GRIK3: variants seen among roughly 807,000 people sequenced by gnomAD.
The protein encoded by GRIK3 is glutamate ionotropic receptor kainate type subunit 3, also known as glutamate receptor ionotropic, kainate 3.
A neutral mutation model predicts 102.5 loss-of-function variants in GRIK3; 29 were observed. The observed-to-expected ratio is 0.28, with a 90% confidence interval of 0.21 to 0.39. The LOEUF (loss-of-function observed/expected upper bound fraction) is 0.39, where lower values mean the gene tolerates loss of function less well. Ranked by LOEUF, GRIK3 falls within the 10% of genes least tolerant of loss-of-function variation. The pLI is 1.00. For synonymous variants in GRIK3, 511 were observed against 504.9 expected, an observed-to-expected ratio of 1.01 and a Z score of -0.16; for missense variants, 908 against 1,252.4, an observed-to-expected ratio of 0.73 and a Z score of 4.15.
chr1:36,800,316 T>A lies in GRIK3; in HGVS notation c.*1535A>T, dbSNP rs1642427162. 1 of 152,286 alleles carries A rather than the reference T, an allele frequency of 6.6e-6. No individual in the cohort carries two copies. Among genetic ancestry groups the A allele is most frequent in the South Asian group, 2.1e-4 (1 of 4,832 alleles). 9.4% of individuals were successfully genotyped at this position (152,286 alleles called of 1,614,324 possible). ...AAACCTGCCCCTCCATCCTTGGCCA[T>A]GGTAACCCTGCTGGCCCATCATGTT... On this transcript the variant is annotated 3_prime_UTR_variant, in exon 16 of 16. Transcript: ENST00000373091.
intron 10 of GRIK3, among the ~76,000 whole-genome samples, chr1:36,839,873 C>T (rs1450830186): frequency 1.3e-5 from 2 of 152,194 alleles, no homozygotes; most frequent in Non-Finnish European, 2.9e-5. Flanking sequence ...TGAGCTCCAG[C>T]CTCCCTCCCC....
At chr1:36,870,544 C>T (rs558828831) in intron 4 of GRIK3, among the ~76,000 whole-genome samples, 5 of 152,226 alleles carry the variant, frequency 3.3e-5, no homozygotes, top group Non-Finnish European at 7.3e-5. Context: ...CAAATGCTGC[C>T]CATTCCCTCC....
rs1477352486 is a variant in GRIK3, at chr1:36,841,861, G to A, written c.1405C>T (p.Leu469=). Residue 469 remains leucine (L), a synonymous_variant, in exon 10 of 16, where the codon CTG becomes TTG. Transcript: ENST00000373091. The part of the protein sequence containing the change: ...NDRFEGYCID[L]LKELAHILGF... The stretch of plus-strand genomic sequence containing the variant: ...AGGATGTGGGCCAGCTCCTTTAGCA[G>A]GTCGATGCAGTAGCCCTCGAACCGG... 3 of 1,614,202 alleles carry A rather than the reference G, an allele frequency of 1.9e-6. No individual in the cohort carries two copies. The highest frequency in any genetic ancestry group is 2.2e-5 in the South Asian group (2 of 91,078).
chr1:37,030,345 G>C (rs1289028219), intron 1 of GRIK3, among the ~76,000 whole-genome samples: 1 of 152,178 alleles, frequency 6.6e-6, no homozygotes, highest in East Asian at 1.9e-4. Context: ...TAATTTGGGT[G>C]AACCAGTCAT....
In GRIK3 at chr1:36,872,585, A is replaced by G. The variant is rs1640854857; in HGVS notation, c.551-216T>C. 6.6e-6 allele frequency among the ~76,000 whole-genome samples: 1 copy of G among 152,204 alleles called. No individual in the cohort carries two copies. The highest frequency in any genetic ancestry group is 1.5e-5 in the Non-Finnish European group (1 of 68,034). On this transcript the variant is annotated intron_variant, in intron 3 of 15. Coordinates refer to ENST00000373091, the MANE Select transcript of GRIK3 (RefSeq NM_000831.4). The surrounding 1 kb of genome is among the most constrained non-coding windows in gnomAD (Gnocchi z 5.9). ...CAAACACATGGCTACACGCACGTGC[A>G]TGTCAATATGGGCAGGAATACACTT...
chr1:36,940,225 C>T (rs933699758), intron 1 of GRIK3, among the ~76,000 whole-genome samples: 11 of 152,374 alleles, frequency 7.2e-5, no homozygotes, highest in African/African-American at 2.6e-4. Flanking sequence ...AGCCCAACCC[C>T]CAACTGGTAC....
intron 1 of GRIK3, among the ~76,000 whole-genome samples, chr1:36,954,782 A>G (rs561984161): frequency 6.6e-6 from 1 of 152,232 alleles, no homozygotes; most frequent in African/African-American, 2.4e-5. Context: ...CAAATCACAG[A>G]AAAAAACCAG....
At chr1:36,809,327 T>C (rs182883106) in intron 13 of GRIK3, among the ~76,000 whole-genome samples, 88 of 152,180 alleles carry the variant, frequency 5.8e-4, no homozygotes, top group African/African-American at 2.0e-3. Flanking sequence ...TATCTATTAC[T>C]TATCTATCCA....
chr1:36,888,931 C>T (rs531701890), intron 2 of GRIK3, among the ~76,000 whole-genome samples: 1 of 152,130 alleles, frequency 6.6e-6, no homozygotes, highest in South Asian at 2.1e-4. Flanking sequence ...TTTTTTCCTG[C>T]AGGGATCGTA....
chr1:36,824,755 C>A lies in GRIK3; in HGVS notation c.1754+848G>T, dbSNP rs1252043976. Among the ~76,000 whole-genome samples, 4 of 152,048 alleles carry A rather than the reference C, an allele frequency of 2.6e-5. No individual in the cohort carries two copies. In the East Asian group the frequency reaches 7.8e-4, roughly 30 times the overall value. On this transcript the variant is annotated intron_variant, in intron 11 of 15. Transcript: ENST00000373091. ...GAAAGGGGTGGGGAGCGGGCCCCAGCAGCCACCAACCCGGGGCAGGGGCGG... is the reference window on the plus strand; with the variant it reads ...GAAAGGGGTGGGGAGCGGGCCCCAGAAGCCACCAACCCGGGGCAGGGGCGG...
intron 1 of GRIK3, among the ~76,000 whole-genome samples, chr1:36,930,774 C>T (rs189679822): frequency 2.6e-5 from 4 of 152,252 alleles, no homozygotes; most frequent in African/African-American, 9.6e-5. Context: ...TGGAATAGTA[C>T]CATTTCCCTG....
At chr1:36,881,177 A>G (rs1434492176) in intron 2 of GRIK3, among the ~76,000 whole-genome samples, 3 of 152,130 alleles carry the variant, frequency 2.0e-5, no homozygotes, top group African/African-American at 7.2e-5. Context: ...GACAAAAGTG[A>G]TCACCACATT....
At chr1:36,989,183 G>C (rs12070070) in intron 1 of GRIK3, among the ~76,000 whole-genome samples, 1 of 152,036 alleles carries the variant, frequency 6.6e-6, no homozygotes, top group East Asian at 1.9e-4. Context: ...CCAAGTACAC[G>C]CATCCTCTCT....
At chr1:36,943,752 G>A (rs115466004) in intron 1 of GRIK3, among the ~76,000 whole-genome samples, 1,618 of 152,256 alleles carry the variant, frequency 0.011, 29 homozygotes, top group African/African-American at 0.038. Flanking sequence ...TTATCCTGTG[G>A]GCACAGCAGT....
chr1:36,984,377 G>A (rs915936376), intron 1 of GRIK3, among the ~76,000 whole-genome samples: 1 of 152,242 alleles, frequency 6.6e-6, no homozygotes, highest in East Asian at 1.9e-4. Context: ...ACAGGGGCCT[G>A]AGTCAGGAGC....
At chr1:36,982,835 G>T (rs1642264112) in intron 1 of GRIK3, among the ~76,000 whole-genome samples, 1 of 152,014 alleles carries the variant, frequency 6.6e-6, no homozygotes. Flanking sequence ...GGGGAAGGAG[G>T]GGGAGCGCCT....
chr1:36,818,442 CCA>C (rs1308352861), intron 12 of GRIK3, among the ~76,000 whole-genome samples: 1 of 152,206 alleles, frequency 6.6e-6, no homozygotes, highest in Non-Finnish European at 1.5e-5. Context: ...TGTCCCCTCC[CCA>C]ACTGGCCACT....
intron 1 of GRIK3, among the ~76,000 whole-genome samples, chr1:37,016,410 A>G (rs367576651): frequency 6.6e-6 from 1 of 152,208 alleles, no homozygotes; most frequent in African/African-American, 2.4e-5. Context: ...CTCAATAAAC[A>G]ATTGCTGTTA....
chr1:36,935,648 T>C (rs1356654053), intron 1 of GRIK3, among the ~76,000 whole-genome samples: 3 of 151,722 alleles, frequency 2.0e-5, no homozygotes, highest in African/African-American at 7.3e-5. Flanking sequence ...TCACTAATGG[T>C]AAATTGATGG....
Sources: gnomAD v4.1 joint callset for allele counts (sites outside exome capture counted in the v4.1 genomes callset) on GRCh38, gnomAD v4.1.1 for gene constraint, Gnocchi (gnomAD v3.1) non-coding constraint, MANE v1.5 for transcripts, NCBI Gene and HGNC (gene_info 2026-07-23, HGNC 2026-07-21) for gene names.